Variants in AFG1L observed in about 807,000 individuals in gnomAD.
AFG1L encodes the protein AFG1-like ATPase.
AFG1L carries 53 observed loss-of-function variants against 62.2 expected under a neutral mutation model. The ratio of observed to expected loss-of-function variants is 0.85; its 90% confidence interval spans 0.68 to 1.07. AFG1L has a LOEUF of 1.07. AFG1L is among the 50% of genes least tolerant of loss of function. AFG1L has a pLI of 0.00. For missense variants in AFG1L, 555 were observed against 590.5 expected, an observed-to-expected ratio of 0.94 and a Z score of 0.62; for synonymous variants, 228 against 210.3, an observed-to-expected ratio of 1.08 and a Z score of -0.73.
chr6:108,517,189 T>C (rs1423822346), intron 11 of AFG1L, among the ~76,000 whole-genome samples: 1 of 152,144 alleles, frequency 6.6e-6, no homozygotes, highest in Non-Finnish European at 1.5e-5. Flanking sequence ...GAGCCCGCAT[T>C]GCCAAGACAA....
chr6:108,490,356 C>T (rs114086364), intron 10 of AFG1L, among the ~76,000 whole-genome samples: 1,663 of 152,240 alleles, frequency 0.011, 24 homozygotes, highest in African/African-American at 0.038. Context: ...GAGACTTCGT[C>T]TCAAAAGCAA....
At chr6:108,510,381 T>C (rs1269235359) in intron 11 of AFG1L, 29 bp downstream of exon 11, 2 of 1,567,582 alleles carry the variant, frequency 1.3e-6, no homozygotes, top group Non-Finnish European at 8.7e-7. Context: ...TTCTTAAAAC[T>C]AAACACTTTG....
At chr6:108,413,466 T>C (rs1356405906) in intron 7 of AFG1L, among the ~76,000 whole-genome samples, 1 of 152,194 alleles carries the variant, frequency 6.6e-6, no homozygotes, top group African/African-American at 2.4e-5. Context: ...GAATATACAT[T>C]GTTCTCAGCA....
intron 1 of AFG1L, among the ~76,000 whole-genome samples, chr6:108,297,196 T>TG (rs1276153769): frequency 6.6e-6 from 1 of 152,048 alleles, no homozygotes; most frequent in Non-Finnish European, 1.5e-5. Flanking sequence ...AACCTCCACC[T>TG]CCTGGATTCA....
chr6:108,512,378 A>G (rs1394852223), intron 11 of AFG1L, among the ~76,000 whole-genome samples: 3 of 152,172 alleles, frequency 2.0e-5, no homozygotes, highest in Non-Finnish European at 4.4e-5. Context: ...GCCCACACAC[A>G]TGTGATGGGT....
Position 108,510,255 on chromosome 6 carries a change from A to G in AFG1L, c.1106A>G (p.Asp369Gly). 1 of 1,612,190 alleles carries G rather than the reference A, an allele frequency of 6.2e-7. No homozygotes were observed. Among genetic ancestry groups the G allele is most frequent in the Non-Finnish European group, 8.5e-7 (1 of 1,178,908 alleles). Residue 369 changes from aspartate to glycine, a missense_variant, in exon 11 of 13, where the codon GAT (aspartate) becomes GGT (glycine). Asp to Gly is a moderately conservative substitution (Grantham distance 94). Transcript: ENST00000368977. Reference protein sequence around the residue: ...SDYLELSKNFDTIFLRNIPQF... With the variant: ...SDYLELSKNFGTIFLRNIPQF... ...TATTTGGAACTATCAAAGAATTTTG[A>G]TACAATATTTTTACGAAACATTCCG...
chr6:108,415,032 A>T (rs539997919), intron 7 of AFG1L, among the ~76,000 whole-genome samples: 2 of 152,334 alleles, frequency 1.3e-5, no homozygotes. Flanking sequence ...CCATCGTCTC[A>T]GCCCAAAATC....
chr6:108,462,417 A>AC (rs1772497327), intron 8 of AFG1L, among the ~76,000 whole-genome samples: 3 of 152,228 alleles, frequency 2.0e-5, no homozygotes, highest in Admixed American at 6.5e-5. Context: ...AAACAAACAA[A>AC]AAAAAACACT....
intron 1 of AFG1L, among the ~76,000 whole-genome samples, chr6:108,296,710 C>T (rs558974571): frequency 2.0e-5 from 3 of 152,026 alleles, no homozygotes; most frequent in Non-Finnish European, 2.9e-5. Flanking sequence ...AGAACTGCCT[C>T]GTGTTTTAAG....
At chr6:108,320,299 C>T (rs557882610) in intron 1 of AFG1L, among the ~76,000 whole-genome samples, 35 of 152,206 alleles carry the variant, frequency 2.3e-4, no homozygotes, top group African/African-American at 7.9e-4. Flanking sequence ...AGTGGCCCGC[C>T]GGTCAAAGCT....
At chr6:108,421,007 A>G (rs1304544602) in intron 7 of AFG1L, among the ~76,000 whole-genome samples, 4 of 152,148 alleles carry the variant, frequency 2.6e-5, no homozygotes, top group Non-Finnish European at 4.4e-5. Context: ...ATGTAATGTG[A>G]AATAAAATTC....
chr6:108,339,433 C>T (rs1778595272), intron 2 of AFG1L, among the ~76,000 whole-genome samples: 1 of 150,908 alleles, frequency 6.6e-6, no homozygotes. Flanking sequence ...AGCCACTGCA[C>T]CCAGGCAGAA....
intron 10 of AFG1L, among the ~76,000 whole-genome samples, chr6:108,496,823 C>CT (rs1171362025): frequency 5.9e-5 from 9 of 152,006 alleles, no homozygotes; most frequent in Admixed American, 2.0e-4. Context: ...TTTACTTATG[C>CT]TTTTTTCTGC....
chr6:108,398,834 C>G (rs1781428300), intron 6 of AFG1L, among the ~76,000 whole-genome samples: 1 of 152,124 alleles, frequency 6.6e-6, no homozygotes, highest in Non-Finnish European at 1.5e-5. Context: ...CAGTACCATG[C>G]TGTTTTTGTC....
chr6:108,355,756 GT>G lies in AFG1L; in HGVS notation c.517+2del, dbSNP rs781140306. 3 of 1,591,374 alleles carry G rather than the reference GT, an allele frequency of 1.9e-6. No homozygotes were observed. Among genetic ancestry groups the G allele is most frequent in the Non-Finnish European group, 2.6e-6 (3 of 1,166,674 alleles). Reference sequence around the variant, plus strand: ...GGTTTCATGCTAGATGTGCACAAAAGTAAGCAATGATCTGAAAGAAGTGATT... The same window carrying G: ...GGTTTCATGCTAGATGTGCACAAAAGAAGCAATGATCTGAAAGAAGTGATT... On this transcript the variant is annotated splice_donor_variant, in intron 4 of 12. Coordinates refer to ENST00000368977, the MANE Select transcript of AFG1L (RefSeq NM_145315.5). LOFTEE classifies it high-confidence loss of function.
chr6:108,491,004 A>C lies in AFG1L; in HGVS notation c.1062+13712A>C, dbSNP rs77978973. ...CTCCTGTTTAACTGAAAGCAGATGAAATAAGCTTTAAGCAGAAATAGAATA... is the reference window on the plus strand; with the variant it reads ...CTCCTGTTTAACTGAAAGCAGATGACATAAGCTTTAAGCAGAAATAGAATA... On this transcript the variant is annotated intron_variant, in intron 10 of 12. Transcript: ENST00000368977. Among the ~76,000 whole-genome samples, 1,357 of 152,316 alleles carry C rather than the reference A, an allele frequency of 8.9e-3. 17 individuals carry two copies. The highest frequency in any genetic ancestry group is 0.031 in the African/African-American group (1,307 of 41,564).
chr6:108,336,258 G>A (rs1466635747), intron 2 of AFG1L, among the ~76,000 whole-genome samples: 1 of 152,102 alleles, frequency 6.6e-6, no homozygotes, highest in Non-Finnish European at 1.5e-5. Context: ...TATCATTTTG[G>A]GAGATAATAA....
chr6:108,474,424 G>A (rs2114809147), intron 8 of AFG1L, among the ~76,000 whole-genome samples: 1 of 152,280 alleles, frequency 6.6e-6, no homozygotes, highest in African/African-American at 2.4e-5. Flanking sequence ...TGGGTCAAAT[G>A]GTATTTCTGG....
intron 6 of AFG1L, among the ~76,000 whole-genome samples, chr6:108,376,367 T>C (rs1026129827): frequency 6.6e-6 from 1 of 152,168 alleles, no homozygotes; most frequent in Non-Finnish European, 1.5e-5. Flanking sequence ...AGTTTGTTTT[T>C]GTTTTTTTCT....
Sources: allele counts gnomAD v4.1 joint callset (sites outside exome capture counted in the v4.1 genomes callset), GRCh38; gene constraint gnomAD v4.1.1; transcripts MANE v1.5; gene names NCBI Gene and HGNC (gene_info 2026-07-23, HGNC 2026-07-21).